Variants in CALN1 observed in about 807,000 individuals in gnomAD.
CALN1 encodes the protein calcium-binding protein 8.
Under a neutral mutation model 30.6 loss-of-function variants are expected in CALN1, and 17 were observed. The ratio of observed to expected loss-of-function variants is 0.56; its 90% CI spans 0.38 to 0.83. The LOEUF (loss-of-function observed/expected upper bound fraction) is 0.83. Ranked by LOEUF, CALN1 falls within the 40% of genes least tolerant of loss-of-function variation. CALN1 has a pLI of 0.00. For synonymous variants in CALN1, 156 were observed against 131.4 expected (o/e 1.19, Z -1.28); for missense variants, 291 against 354.9 (o/e 0.82, Z 1.45).
chr7:72,221,518 A>C (rs1220792019), intron 3 of CALN1, among the ~76,000 whole-genome samples: 1 of 152,038 alleles, frequency 6.6e-6, no homozygotes, highest in Non-Finnish European at 1.5e-5. Context: ...TTAAAAAACA[A>C]TCACAAAGAC....
intron 5 of CALN1, among the ~76,000 whole-genome samples, chr7:71,972,018 A>AGAAAG (rs1562946943): frequency 6.3e-4 from 77 of 122,512 alleles, no homozygotes; most frequent in East Asian, 1.4e-3. Context: ...AAAGAAAGAA[A>AGAAAG]AGAAAGAAAG....
intron 4 of CALN1, among the ~76,000 whole-genome samples, chr7:72,052,939 A>G (rs185163827): frequency 2.1e-5 from 3 of 140,106 alleles, no homozygotes; most frequent in South Asian, 2.6e-4. Context: ...CAGCACTTTG[A>G]GAGGCCAAGG....
chr7:72,014,309 A>G (rs1270715165), intron 5 of CALN1, among the ~76,000 whole-genome samples: 1 of 151,454 alleles, frequency 6.6e-6, no homozygotes, highest in Non-Finnish European at 1.5e-5. Context: ...CTGGTCTCAA[A>G]CTCCTGACCT....
At chr7:71,847,672 ACT>A (rs748858083) in intron 5 of CALN1, among the ~76,000 whole-genome samples, 1 of 150,116 alleles carries the variant, frequency 6.7e-6, no homozygotes, top group African/African-American at 2.5e-5. Flanking sequence ...ACAGAGTGAG[ACT>A]CTGTCAAAAA....
chr7:72,262,544 CATT>C (rs1796334752), intron 3 of CALN1, among the ~76,000 whole-genome samples: 1 of 152,062 alleles, frequency 6.6e-6, no homozygotes, highest in Non-Finnish European at 1.5e-5. Context: ...CTATTGTTTC[CATT>C]ATTATGTTCC....
intron 3 of CALN1, among the ~76,000 whole-genome samples, chr7:72,194,834 T>C (rs953415473): frequency 1.1e-4 from 16 of 151,988 alleles, no homozygotes; most frequent in African/African-American, 3.9e-4. Flanking sequence ...TCATGATCCA[T>C]CTGTCTCGGC....
At chr7:72,241,741 G>A (rs1794849630) in intron 3 of CALN1, among the ~76,000 whole-genome samples, 2 of 151,878 alleles carry the variant, frequency 1.3e-5, no homozygotes, top group Admixed American at 1.3e-4. Flanking sequence ...TATATCTGAT[G>A]CAACACACTC....
chr7:72,330,644 C>A (rs943433869), intron 2 of CALN1, among the ~76,000 whole-genome samples: 1 of 152,160 alleles, frequency 6.6e-6, no homozygotes, highest in Non-Finnish European at 1.5e-5. Flanking sequence ...TTCCCCAGTA[C>A]CTGAACCAGA....
Position 72,403,235 on chromosome 7 carries a change from G to C in CALN1, c.119+16C>G, listed in dbSNP as rs757077525. ...CAAACAATCTAGGTCCTTGGGTTTG[G>C]GGGAAGAAGACTTGCCAGGTGGGGA... is the stretch of plus-strand genomic sequence containing the variant. On this transcript the variant is annotated intron_variant, in intron 2 of 6. Coordinates refer to ENST00000395275, the MANE Select transcript of CALN1 (RefSeq NM_031468.4). 1.3e-6 allele frequency: 2 copies of C among 1,543,046 alleles called. No individual in the cohort carries two copies. The highest frequency in any genetic ancestry group is 1.4e-5 in the African/African-American group (1 of 72,958).
At chr7:71,986,563 T>G (rs1798683437) in intron 5 of CALN1, among the ~76,000 whole-genome samples, 1 of 152,190 alleles carries the variant, frequency 6.6e-6, no homozygotes. Context: ...GTAAAGCACA[T>G]TACTGTTTAC....
chr7:71,916,577 C>A (rs1440446867), intron 5 of CALN1, among the ~76,000 whole-genome samples: 1 of 152,004 alleles, frequency 6.6e-6, no homozygotes, highest in Non-Finnish European at 1.5e-5. Flanking sequence ...GAACAGAAAA[C>A]CAAATACCAC....
At chr7:72,235,167 G>A (rs1227084829) in intron 3 of CALN1, among the ~76,000 whole-genome samples, 1 of 152,020 alleles carries the variant, frequency 6.6e-6, no homozygotes, top group African/African-American at 2.4e-5. Context: ...CCAGCTACTA[G>A]GGAGGCTGAG....
At chr7:72,433,684 C>A (rs1808051186) in intron 1 of CALN1, among the ~76,000 whole-genome samples, 1 of 152,132 alleles carries the variant, frequency 6.6e-6, no homozygotes, top group Admixed American at 6.5e-5. Flanking sequence ...AGCTGGGTCT[C>A]AGGGTAGCAA....
the CALN1 span, among the ~76,000 whole-genome samples, chr7:72,480,118 C>G: frequency 6.6e-6 from 1 of 152,024 alleles, no homozygotes; most frequent in African/African-American, 2.4e-5. Context: ...TTCTTATTTT[C>G]TGGCACTGGC....
chr7:72,371,005 C>T (rs1204430087), intron 2 of CALN1, among the ~76,000 whole-genome samples: 2 of 149,504 alleles, frequency 1.3e-5, no homozygotes, highest in Non-Finnish European at 3.0e-5. Flanking sequence ...CCAAGATCAC[C>T]CCACAGAACT....
intron 2 of CALN1, among the ~76,000 whole-genome samples, chr7:72,367,710 C>T (rs1803957412): frequency 6.7e-6 from 1 of 148,758 alleles, no homozygotes; most frequent in South Asian, 2.1e-4. Flanking sequence ...TGGCACACGC[C>T]TGTGGTCCCA....
At chr7:72,222,116 C>T (rs1793348660) in intron 3 of CALN1, among the ~76,000 whole-genome samples, 2 of 151,910 alleles carry the variant, frequency 1.3e-5, no homozygotes, top group Non-Finnish European at 2.9e-5. Context: ...GTCCCAGCTA[C>T]TTGGGAGGCT....
intron 3 of CALN1, among the ~76,000 whole-genome samples, chr7:72,235,133 T>C (rs1794389938): frequency 6.6e-6 from 1 of 151,750 alleles, no homozygotes; most frequent in South Asian, 2.1e-4. Flanking sequence ...AATTAGCCAG[T>C]CATGGTAGCA....
intron 4 of CALN1, among the ~76,000 whole-genome samples, chr7:72,086,361 G>C (rs905992731): frequency 6.6e-6 from 1 of 152,100 alleles, no homozygotes; most frequent in Non-Finnish European, 1.5e-5. Context: ...TATACATTTC[G>C]CCTAACCCTG....
Sources: allele counts gnomAD v4.1 joint callset (sites outside exome capture counted in the v4.1 genomes callset), GRCh38; gene constraint gnomAD v4.1.1; transcripts MANE v1.5; gene names NCBI Gene and HGNC (gene_info 2026-07-23, HGNC 2026-07-21).